The following CDH13 variants were observed in gnomAD, a reference collection of about 807,000 sequenced individuals.
The protein encoded by CDH13 is cadherin 13.
In CDH13, 24 loss-of-function variants were observed where a neutral mutation model predicts 63.8. The ratio of observed to expected loss-of-function variants is 0.38; its 90% CI spans 0.27 to 0.53. The LOEUF is 0.53. Among genes scored for constraint, CDH13 ranks in the 20% least tolerant of loss-of-function variants. The pLI, the probability that CDH13 is intolerant of heterozygous loss-of-function variation, is 0.85. For missense variants in CDH13, 1,049 were observed against 903.1 expected, an observed-to-expected ratio of 1.16 and a Z score of -2.07; for synonymous variants, 503 against 355.3, an observed-to-expected ratio of 1.42 and a Z score of -4.67.
At chr16:83,408,758 A>G (rs2092084613) in intron 6 of CDH13, among the ~76,000 whole-genome samples, 1 of 152,242 alleles carries the variant, frequency 6.6e-6, no homozygotes, top group African/African-American at 2.4e-5. Flanking sequence ...AGTTAAAGCA[A>G]GTCAGCCTAG....
intron 3 of CDH13, among the ~76,000 whole-genome samples, chr16:83,049,880 A>G (rs965062200): frequency 6.6e-6 from 1 of 152,208 alleles, no homozygotes; most frequent in East Asian, 1.9e-4. Flanking sequence ...AAAACATTGC[A>G]TACTTACAAG....
intron 3 of CDH13, among the ~76,000 whole-genome samples, chr16:83,056,270 A>T (rs1284112802): frequency 6.6e-6 from 1 of 152,208 alleles, no homozygotes; most frequent in Non-Finnish European, 1.5e-5. Flanking sequence ...AAAGCTGAAC[A>T]TTCTTGACCT....
chr16:82,782,961 CT>C (rs555667317), intron 1 of CDH13, among the ~76,000 whole-genome samples: 18 of 152,306 alleles, frequency 1.2e-4, no homozygotes, highest in Middle Eastern at 3.4e-3. Context: ...AGAACATAGA[CT>C]TTGTGGAGCT....
At chr16:83,038,183 C>T (rs564613534) in intron 3 of CDH13, among the ~76,000 whole-genome samples, 1 of 152,148 alleles carries the variant, frequency 6.6e-6, no homozygotes, top group Non-Finnish European at 1.5e-5. Context: ...CACAGTTAAG[C>T]CTATTTTAGC....
rs367934881 is a variant in CDH13, at chr16:83,795,249, T to C, written c.*219T>C. ...TTTAATTAATGGAATCTTCTGAATT[T>C]TCCCTGAATGTTTAAAGATCATGAC... On this transcript the variant is annotated 3_prime_UTR_variant, in exon 14 of 14. Transcript: ENST00000567109. The C allele has an allele frequency of 2.0e-5, 11 of 540,460 alleles. No homozygotes were observed. The East Asian group carries it at 2.5e-4, about 12-fold the overall frequency. 33.5% of individuals were successfully genotyped at this position (540,460 alleles called of 1,614,324 possible). A position where few individuals can be genotyped will look rare whatever the true frequency, so the allele number is the denominator to read the frequency against.
chr16:82,811,107 T>A (rs1019878359), intron 1 of CDH13, among the ~76,000 whole-genome samples: 5 of 152,174 alleles, frequency 3.3e-5, no homozygotes, highest in Non-Finnish European at 7.4e-5. Context: ...TAATAAAGAA[T>A]TTGTCATAGA....
At chr16:83,712,468 C>T (rs1308399190) in intron 10 of CDH13, among the ~76,000 whole-genome samples, 2 of 152,162 alleles carry the variant, frequency 1.3e-5, no homozygotes, top group African/African-American at 2.4e-5. Context: ...CCACATATTG[C>T]CTTAATTGTC....
intron 1 of CDH13, among the ~76,000 whole-genome samples, chr16:82,769,353 A>G (rs2035175761): frequency 6.6e-6 from 1 of 152,188 alleles, no homozygotes; most frequent in Non-Finnish European, 1.5e-5. Context: ...GAAAATGTAA[A>G]TGGCTTCATC....
At chr16:83,189,799 G>A (rs1014321577) in intron 4 of CDH13, among the ~76,000 whole-genome samples, 2 of 152,186 alleles carry the variant, frequency 1.3e-5, no homozygotes, top group African/African-American at 2.4e-5. Context: ...ACCTTGAATT[G>A]TAGTTCCCAT....
intron 1 of CDH13, among the ~76,000 whole-genome samples, chr16:82,667,056 A>C (rs1912672112): frequency 6.6e-6 from 1 of 152,140 alleles, no homozygotes; most frequent in Non-Finnish European, 1.5e-5. Context: ...AAACTGACAA[A>C]GGAATCAGCT....
At chr16:83,130,302 CCA>C (rs754003479) in intron 4 of CDH13, among the ~76,000 whole-genome samples, 51 of 152,170 alleles carry the variant, frequency 3.4e-4, no homozygotes, top group Non-Finnish European at 6.8e-4. Flanking sequence ...CTGTCCAAAG[CCA>C]CACAGCTAGT....
At chr16:83,494,965 A>G (rs939275569) in intron 7 of CDH13, among the ~76,000 whole-genome samples, 3 of 152,228 alleles carry the variant, frequency 2.0e-5, no homozygotes, top group East Asian at 1.9e-4. Flanking sequence ...AGGATCATCT[A>G]TTGCATTGGA....
chr16:83,529,152 A>C (rs956746385), intron 7 of CDH13, among the ~76,000 whole-genome samples: 1 of 150,560 alleles, frequency 6.6e-6, no homozygotes, highest in African/African-American at 2.4e-5. Flanking sequence ...TCAGGAAGTT[A>C]AGCCCCATTG....
intron 7 of CDH13, among the ~76,000 whole-genome samples, chr16:83,577,665 AG>A (rs1905183468): frequency 6.6e-6 from 1 of 152,160 alleles, no homozygotes; most frequent in Non-Finnish European, 1.5e-5. Flanking sequence ...AGGAGGAGAA[AG>A]GGGTAGGAAG....
chr16:83,672,931 C>G (rs1379304276), intron 9 of CDH13, among the ~76,000 whole-genome samples: 1 of 152,220 alleles, frequency 6.6e-6, no homozygotes, highest in Non-Finnish European at 1.5e-5. Context: ...ATGACTTTTA[C>G]AGCTTCGAAA....
chr16:83,572,367 C>A (rs1016491066), intron 7 of CDH13, among the ~76,000 whole-genome samples: 1 of 152,124 alleles, frequency 6.6e-6, no homozygotes, highest in Non-Finnish European at 1.5e-5. Flanking sequence ...TCTCGAACTC[C>A]TGACCTCAGG....
chr16:82,774,526 C>G (rs2035405617), intron 1 of CDH13, among the ~76,000 whole-genome samples: 1 of 152,142 alleles, frequency 6.6e-6, no homozygotes, highest in African/African-American at 2.4e-5. Context: ...CAATCTTGAC[C>G]TTCAGAAAAA....
intron 8 of CDH13, among the ~76,000 whole-genome samples, chr16:83,650,501 C>T (rs1388385830): frequency 6.6e-6 from 1 of 152,160 alleles, no homozygotes; most frequent in Admixed American, 6.5e-5. Flanking sequence ...TGTAGGGAGA[C>T]CTGACACACA....
intron 5 of CDH13, among the ~76,000 whole-genome samples, chr16:83,243,654 A>G (rs1409198438): frequency 6.6e-6 from 1 of 152,188 alleles, no homozygotes; most frequent in Non-Finnish European, 1.5e-5. Context: ...TAGGATCATC[A>G]CAAAATGTAT....
Sources: gnomAD v4.1 joint callset for allele counts (sites outside exome capture counted in the v4.1 genomes callset) on GRCh38, gnomAD v4.1.1 for gene constraint, MANE v1.5 for transcripts, NCBI Gene and HGNC (gene_info 2026-07-23, HGNC 2026-07-21) for gene names.